Variants in ST6GALNAC2 observed in about 807,000 individuals in gnomAD.
The protein encoded by ST6GALNAC2 is alpha-N-acetylgalactosaminide alpha-2,6-sialyltransferase 2.
Under a neutral mutation model 38.7 loss-of-function variants are expected in ST6GALNAC2, and 42 were observed. That is an observed-to-expected ratio of 1.09 (90% CI 0.85 to 1.40). ST6GALNAC2 has a LOEUF of 1.40. Ranked by LOEUF, ST6GALNAC2 falls within the 40% of genes most tolerant of loss-of-function variation. ST6GALNAC2 has a pLI of 0.00. For missense variants in ST6GALNAC2, 506 were observed against 481.7 expected (o/e 1.05, Z -0.47); for synonymous variants, 233 against 209.0 (o/e 1.11, Z -0.99).
chr17:76,579,146 C>T (rs559134879), intron 1 of ST6GALNAC2, among the ~76,000 whole-genome samples: 3 of 152,162 alleles, frequency 2.0e-5, no homozygotes, highest in South Asian at 2.1e-4. Flanking sequence ...CTCGAACTCC[C>T]GACTTCAGGT....
rs1390456113 is a variant in ST6GALNAC2, at chr17:76,573,536, C to G, written c.362-173G>C. 1.3e-5 allele frequency among the ~76,000 whole-genome samples: 2 copies of G among 152,148 alleles called. No homozygotes were observed. The highest frequency in any genetic ancestry group is 4.8e-5 in the African/African-American group (2 of 41,430). On this transcript the variant is annotated intron_variant, in intron 3 of 8. Coordinates refer to ENST00000225276, the MANE Select transcript of ST6GALNAC2 (RefSeq NM_006456.3). The surrounding 1 kb of genome is among the most constrained non-coding windows in gnomAD (Gnocchi z 5.1). ...TGTCTGTGGGGGGAGAATTGAAAAG[C>G]TGACAGTGGAAGAGGGGGCTTGGCG...
At chr17:76,575,456 G>T (rs183024520) in intron 2 of ST6GALNAC2, among the ~76,000 whole-genome samples, 234 of 152,278 alleles carry the variant, frequency 1.5e-3, no homozygotes, top group African/African-American at 5.3e-3. Flanking sequence ...GTGGAAAGAG[G>T]CCGGGTGATG....
At chr17:76,570,324 G>A (rs1359919206) in intron 6 of ST6GALNAC2, 1 of 509,140 alleles carries the variant, frequency 2.0e-6, no homozygotes. Context: ...CCAGCCCACT[G>A]CCCCCAGAGG....
Position 76,570,600 on chromosome 17 carries a change from G to A in ST6GALNAC2, c.738C>T (p.Gly246=), listed in dbSNP as rs1365702976. The A allele has an allele frequency of 5.6e-6, 9 of 1,613,012 alleles. No individual in the cohort carries two copies. Among genetic ancestry groups the A allele is most frequent in the South Asian group, 2.2e-5 (2 of 90,830 alleles). ...DYVMLRSAIL[G]VPVPEGLDKG... The stretch of plus-strand genomic sequence containing the variant: ...TATCTAGGCCCTCAGGGACAGGCAC[G>A]CCCAGAATGGCCGATCTCAGCATCA... Residue 246 remains glycine (G), a synonymous_variant, in exon 6 of 9, where the codon GGC becomes GGT. Transcript: ENST00000225276.
At position 76,585,759 on chromosome 17, in the gene ST6GALNAC2, G is replaced by A; in HGVS notation, c.50C>T (p.Ala17Val). 1.3e-6 allele frequency: 2 copies of A among 1,552,952 alleles called. No individual in the cohort carries two copies. Among genetic ancestry groups the A allele is most frequent in the Non-Finnish European group, 8.7e-7 (1 of 1,151,546 alleles). The change falls in exon 1 of 9, where the codon GCT becomes GTT. Residue 17 changes from alanine (A) to valine (V), a missense_variant. Physicochemically the swap from Ala to Val is moderately conservative, Grantham distance 64. Coordinates refer to ENST00000225276, the MANE Select transcript of ST6GALNAC2 (RefSeq NM_006456.3). ...GGCAAAGAGGAGCCCCGAGCAGGCAGCCGTGAGCAGGAGCAGCAGCCAGAA... is the reference window on the plus strand; with the variant it reads ...GGCAAAGAGGAGCCCCGAGCAGGCAACCGTGAGCAGGAGCAGCAGCCAGAA... ...SFFWLLLLLT[A>V]ACSGLLFALY...
At chr17:76,567,741 G>A (rs1263465544) in intron 7 of ST6GALNAC2, 189 bp from the exon 8 acceptor site, 3 of 519,044 alleles carry the variant, frequency 5.8e-6, no homozygotes, top group African/African-American at 3.8e-5. Flanking sequence ...GGGAGGGGGT[G>A]GTGAGAAAGG....
intron 5 of ST6GALNAC2, among the ~76,000 whole-genome samples, 191 bp downstream of exon 5, chr17:76,572,446 G>A (rs1156965983): frequency 6.6e-6 from 1 of 152,176 alleles, no homozygotes; most frequent in Non-Finnish European, 1.5e-5. Flanking sequence ...GTCCCGTGAC[G>A]CCTGAATCAG....
At chr17:76,570,328 C>T (rs2075338877) in intron 6 of ST6GALNAC2, 2 of 520,264 alleles carry the variant, frequency 3.8e-6, no homozygotes, top group African/African-American at 1.9e-5. Context: ...CCCACTGCCC[C>T]CAGAGGGCTA....
At chr17:76,580,816 G>A (rs922681287) in intron 1 of ST6GALNAC2, among the ~76,000 whole-genome samples, 6 of 152,136 alleles carry the variant, frequency 3.9e-5, no homozygotes, top group Admixed American at 2.0e-4. Flanking sequence ...GAAGAGAAAG[G>A]ATCTTGCTGT....
intron 5 of ST6GALNAC2, 117 bp downstream of exon 5, chr17:76,572,520 G>T: frequency 8.1e-7 from 1 of 1,235,452 alleles, no homozygotes; most frequent in Non-Finnish European, 1.1e-6. Context: ...CAGAATCCTG[G>T]CACCCCCTCA....
chr17:76,570,077 G>A (rs974305653), intron 6 of ST6GALNAC2: 3 of 165,702 alleles, frequency 1.8e-5, no homozygotes, highest in Admixed American at 1.2e-4. Context: ...CAGGACACTG[G>A]GCCTCGAGTC....
At chr17:76,585,576 C>T in intron 1 of ST6GALNAC2, 108 bp downstream of exon 1, 3 of 1,278,968 alleles carry the variant, frequency 2.3e-6, no homozygotes, top group Non-Finnish European at 3.1e-6. Flanking sequence ...GGGGTCCACG[C>T]GGAGGTTGGG....
chr17:76,582,662 C>G (rs950825008), intron 1 of ST6GALNAC2, among the ~76,000 whole-genome samples: 1 of 152,330 alleles, frequency 6.6e-6, no homozygotes, highest in South Asian at 2.1e-4. Flanking sequence ...CTGGGCTCCA[C>G]TCTAATCTGC....
intron 2 of ST6GALNAC2, among the ~76,000 whole-genome samples, 180 bp from the exon 3 acceptor site, chr17:76,574,719 C>G (rs1042764076): frequency 6.6e-6 from 1 of 151,784 alleles, no homozygotes; most frequent in Non-Finnish European, 1.5e-5. Flanking sequence ...CTCTGTCGCC[C>G]AGGCTGGAGT....
At chr17:76,567,819 A>T (rs1447491228) in intron 7 of ST6GALNAC2, 2 of 404,744 alleles carry the variant, frequency 4.9e-6, no homozygotes, top group South Asian at 5.0e-5. Flanking sequence ...CACACTGCCA[A>T]GGGCATAGGT....
chr17:76,585,383 C>G (rs1163811052), intron 1 of ST6GALNAC2, among the ~76,000 whole-genome samples: 1 of 152,248 alleles, frequency 6.6e-6, no homozygotes, highest in African/African-American at 2.4e-5. Flanking sequence ...AGAAAGTGTA[C>G]TTATCAGGCC....
chr17:76,567,423 C>T (rs2075298371), intron 8 of ST6GALNAC2, 30 bp downstream of exon 8: 14 of 1,515,034 alleles, frequency 9.2e-6, no homozygotes, highest in Non-Finnish European at 1.3e-5. Context: ...GTTCTGCCGG[C>T]ATGGGCTTCT....
rs1452414814 is a variant in ST6GALNAC2 at position 76,568,804 on chromosome 17, C to T, written c.774-8G>A. 1.2e-6 allele frequency: 2 copies of T among 1,612,630 alleles called. No homozygotes were observed. Among genetic ancestry groups the T allele is most frequent in the South Asian group, 2.2e-5 (2 of 91,040 alleles). The stretch of plus-strand genomic sequence containing the variant: ...CCAAAATAGGCGTGCGGCCTAGGAC[C>T]CATGATAGAAGTGGACAGAGCGCCC... On this transcript the variant is annotated splice_polypyrimidine_tract_variant and splice_region_variant and intron_variant, in intron 6 of 8. Transcript: ENST00000225276.
rs879348894 is a variant in ST6GALNAC2 at position 76,573,187 on chromosome 17, C to T, written c.530+8G>A. The stretch of plus-strand genomic sequence containing the variant: ...CTCCCGCCCCTCCCCAGCTCCTACC[C>T]CTCATACCTGAATACATAGTCATGG... On this transcript the variant is annotated splice_region_variant and intron_variant, in intron 4 of 8. Coordinates refer to ENST00000225276, the MANE Select transcript of ST6GALNAC2 (RefSeq NM_006456.3). The surrounding 1 kb of genome is among the most constrained non-coding windows in gnomAD (Gnocchi z 5.1). The T allele has an allele frequency of 1.2e-6, 2 of 1,610,636 alleles. No homozygotes were observed. The highest frequency in any genetic ancestry group is 1.7e-6 in the Non-Finnish European group (2 of 1,178,364).
Sources: allele counts gnomAD v4.1 joint callset (sites outside exome capture counted in the v4.1 genomes callset), GRCh38; gene constraint gnomAD v4.1.1; non-coding constraint Gnocchi (gnomAD v3.1); transcripts MANE v1.5; gene names NCBI Gene and HGNC (gene_info 2026-07-23, HGNC 2026-07-21).